WNT2B: variants seen among roughly 807,000 people sequenced by gnomAD.
The protein encoded by WNT2B is Wnt family member 2B.
In WNT2B, 19 loss-of-function variants were observed where a neutral mutation model predicts 40.5. The ratio of observed to expected loss-of-function variants is 0.47; its 90% CI spans 0.33 to 0.69. The LOEUF (loss-of-function observed/expected upper bound fraction) is 0.69. WNT2B is among the 30% of genes least tolerant of loss of function. WNT2B has a pLI of 0.02. For missense variants in WNT2B, 467 were observed against 556.4 expected, an observed-to-expected ratio of 0.84 and a Z score of 1.62; for synonymous variants, 220 against 211.9, an observed-to-expected ratio of 1.04 and a Z score of -0.33.
chr1:112,476,624 C>G (rs1283579572), intron 1 of WNT2B, among the ~76,000 whole-genome samples: 9 of 152,216 alleles, frequency 5.9e-5, no homozygotes. Context: ...CTCCTGGACA[C>G]AACCCACAAC....
rs1204921535 is a variant in WNT2B, at chr1:112,515,151, A to G, written c.403+57A>G. On this transcript the variant is annotated intron_variant, in intron 2 of 4. Transcript: ENST00000369684. The surrounding 1 kb of genome is among the most constrained non-coding windows in gnomAD (Gnocchi z 4.4). ...TTCCCTTTCTGTGCTGGGGGTGGTG[A>G]GTGGGAAGAGTAGGCAAGATCTCCC... 6.4e-7 allele frequency: 1 copy of G among 1,567,888 alleles called. No individual in the cohort carries two copies. Among genetic ancestry groups the G allele is most frequent in the Non-Finnish European group, 8.7e-7 (1 of 1,152,370 alleles).
intron 1 of WNT2B, among the ~76,000 whole-genome samples, chr1:112,501,696 A>T (rs1651960277): frequency 6.6e-6 from 1 of 152,204 alleles, no homozygotes; most frequent in Non-Finnish European, 1.5e-5. Flanking sequence ...CATAAACAAA[A>T]GCTCTTTGGG....
At chr1:112,516,509 G>A in intron 3 of WNT2B, 92 bp downstream of exon 3, 2 of 1,490,178 alleles carry the variant, frequency 1.3e-6, no homozygotes, top group East Asian at 2.3e-5. Context: ...AGATGGAAGA[G>A]CTGAAGGCTT....
At chr1:112,481,920 G>C (rs1416574887) in intron 1 of WNT2B, among the ~76,000 whole-genome samples, 2 of 151,964 alleles carry the variant, frequency 1.3e-5, no homozygotes, top group Non-Finnish European at 2.9e-5. Context: ...GCAGAGGCGG[G>C]CAGATCACTT....
rs1455035956 is a variant in WNT2B at position 112,523,732 on chromosome 1, A to T, written c.*3223A>T. 6.6e-6 allele frequency: 1 copy of T among 152,186 alleles called. No individual in the cohort carries two copies. The highest frequency in any genetic ancestry group is 2.4e-5 in the African/African-American group (1 of 41,440). The allele number at this position is 152,186 out of a possible 1,614,324, so 9.4% of individuals were successfully genotyped here. A position where few individuals can be genotyped will look rare whatever the true frequency, so the allele number is the denominator to read the frequency against. Reference sequence around the variant, plus strand: ...CTTTTAATAAACATTTAGGTATAATACATTACAGTAAGTGCTATTTAGATA... The same window carrying T: ...CTTTTAATAAACATTTAGGTATAATTCATTACAGTAAGTGCTATTTAGATA... On this transcript the variant is annotated 3_prime_UTR_variant, in exon 5 of 5. Coordinates refer to ENST00000369684, the MANE Select transcript of WNT2B (RefSeq NM_024494.3).
At chr1:112,513,668 C>A (rs1652432324) in intron 1 of WNT2B, among the ~76,000 whole-genome samples, 1 of 152,232 alleles carries the variant, frequency 6.6e-6, no homozygotes, top group Non-Finnish European at 1.5e-5. Flanking sequence ...AAACCACAGG[C>A]TCATTCATAG....
At chr1:112,508,224 G>C (rs529206342), upstream of WNT2B, among the ~76,000 whole-genome samples, 5 of 151,938 alleles carry the variant, frequency 3.3e-5, no homozygotes, top group Non-Finnish European at 5.9e-5. The surrounding 1 kb of genome is among the most constrained non-coding windows in gnomAD (Gnocchi z 4.2). Context: ...AGGCACAGAG[G>C]GGGAGCGGGG....
intron 1 of WNT2B, among the ~76,000 whole-genome samples, chr1:112,468,678 T>C (rs1650781624): frequency 6.6e-6 from 1 of 152,110 alleles, no homozygotes; most frequent in Non-Finnish European, 1.5e-5. Context: ...TTTAGTTGTT[T>C]GAGTTCCTTG....
At position 112,509,057 on chromosome 1, in the gene WNT2B, C is replaced by G; in HGVS notation, c.-206C>G. On this transcript the variant is annotated 5_prime_UTR_variant, in exon 1 of 5. Transcript: ENST00000369684. This position sits in a 1 kb window ranked among gnomAD's most constrained non-coding sequence, Gnocchi z 4.2. ...CGCGCCCCAGACCCCGGGTTCGGCA[C>G]GCCGTCGTCGGCTTCCGGACATCGC... 1 of 1,355,710 alleles carries G rather than the reference C, an allele frequency of 7.4e-7. No individual in the cohort carries two copies. Among genetic ancestry groups the G allele is most frequent in the Non-Finnish European group, 9.4e-7 (1 of 1,063,652 alleles). The allele number at this position is 1,355,710 out of a possible 1,614,324, so 84.0% of individuals were successfully genotyped here. A position where few individuals can be genotyped will look rare whatever the true frequency, so the allele number is the denominator to read the frequency against.
chr1:112,490,708 C>A (rs1651574417), intron 1 of WNT2B, among the ~76,000 whole-genome samples: 1 of 152,102 alleles, frequency 6.6e-6, no homozygotes, highest in African/African-American at 2.4e-5. Flanking sequence ...CCAGGATGGT[C>A]TCGATCTCCT....
At chr1:112,479,345 G>A (rs150550334) in intron 1 of WNT2B, among the ~76,000 whole-genome samples, 8,783 of 152,034 alleles carry the variant, frequency 0.058, 291 homozygotes, top group Middle Eastern at 0.095. Flanking sequence ...AGGCCGAGAC[G>A]GGCTGATCAC....
chr1:112,487,933 CAAAAAAAAAAAA>C (rs59297238), intron 1 of WNT2B, among the ~76,000 whole-genome samples: 2 of 68,204 alleles, frequency 2.9e-5, no homozygotes, highest in East Asian at 4.5e-4. Context: ...GGCTCTGACT[CAAAAAAAAAAAA>C]AAAAAAAAAA....
chr1:112,508,754 G>A, upstream of WNT2B: 2 of 986,480 alleles, frequency 2.0e-6, no homozygotes, highest in Non-Finnish European at 2.4e-6. The surrounding 1 kb of genome is among the most constrained non-coding windows in gnomAD (Gnocchi z 4.2). Flanking sequence ...GGAGGGAGCC[G>A]CGGCGTCCCG....
chr1:112,481,360 A>G (rs974490418), intron 1 of WNT2B, among the ~76,000 whole-genome samples: 1 of 152,192 alleles, frequency 6.6e-6, no homozygotes, highest in Non-Finnish European at 1.5e-5. Flanking sequence ...AAAGTACAAT[A>G]TCTATTCATG....
chr1:112,497,168 G>C (rs565751433), intron 1 of WNT2B, among the ~76,000 whole-genome samples: 2 of 152,294 alleles, frequency 1.3e-5, no homozygotes, highest in East Asian at 3.9e-4. Flanking sequence ...CCCAAGGCTG[G>C]CATTGCAAGT....
chr1:112,486,418 G>C (rs1651419585), intron 1 of WNT2B, among the ~76,000 whole-genome samples: 1 of 152,028 alleles, frequency 6.6e-6, no homozygotes, highest in Non-Finnish European at 1.5e-5. Context: ...ACTCCATCCT[G>C]GGCAACAGAG....
intron 1 of WNT2B, among the ~76,000 whole-genome samples, chr1:112,490,644 C>T (rs368153910): frequency 0.015 from 2,334 of 152,110 alleles, 33 homozygotes; most frequent in Non-Finnish European, 0.021. Context: ...CGCCCATCAC[C>T]ACACCCGGCT....
intron 1 of WNT2B, among the ~76,000 whole-genome samples, chr1:112,500,907 A>G (rs1015189526): frequency 2.6e-5 from 4 of 152,238 alleles, no homozygotes; most frequent in Admixed American, 1.3e-4. Context: ...TGTATGGTAC[A>G]GTTGTCACAA....
Position 112,517,111 on chromosome 1 carries a change from C to G in WNT2B, c.682-10C>G, listed in dbSNP as rs781198278. On this transcript the variant is annotated splice_polypyrimidine_tract_variant and intron_variant, in intron 3 of 4. Coordinates refer to ENST00000369684, the MANE Select transcript of WNT2B (RefSeq NM_024494.3). ...CTACTTCTCCCTTAACTGCCTTCCCCCTCCCCCAGGCTGTGCGGCGGTTTC... is the reference window on the plus strand; with the variant it reads ...CTACTTCTCCCTTAACTGCCTTCCCGCTCCCCCAGGCTGTGCGGCGGTTTC... The G allele has an allele frequency of 6.2e-7, 1 of 1,605,538 alleles. No individual in the cohort carries two copies. The highest frequency in any genetic ancestry group is 1.1e-5 in the South Asian group (1 of 90,740).
Sources: allele counts gnomAD v4.1 joint callset (sites outside exome capture counted in the v4.1 genomes callset), GRCh38; gene constraint gnomAD v4.1.1; non-coding constraint Gnocchi (gnomAD v3.1); transcripts MANE v1.5; gene names NCBI Gene and HGNC (gene_info 2026-07-23, HGNC 2026-07-21).